FANCB: variants seen among roughly 807,000 people sequenced by gnomAD.
FANCB encodes FA complementation group B, also known as Fanconi anemia group B protein.
Under a neutral mutation model 38.9 loss-of-function variants are expected in FANCB, and 5 were observed. The ratio of observed to expected loss-of-function variants is 0.13; its 90% CI spans 0.07 to 0.27. FANCB has a LOEUF of 0.27. Among genes scored for constraint, FANCB ranks in the 10% least tolerant of loss-of-function variants. The pLI, the probability that FANCB is intolerant of heterozygous loss-of-function variation, is 1.00. For missense variants in FANCB, 573 were observed against 602.7 expected, an observed-to-expected ratio of 0.95 and a Z score of 0.52; for synonymous variants, 236 against 215.4, an observed-to-expected ratio of 1.10 and a Z score of -0.84.
At chrX:14,782,861 T>A in the FANCB span, among the ~76,000 whole-genome samples, 1 of 111,834 alleles carries the variant, frequency 8.9e-6, no homozygotes, top group African/African-American at 3.3e-5. Flanking sequence ...CTAGCAGGTC[T>A]AGAATGGAGC....
the FANCB span, among the ~76,000 whole-genome samples, chrX:14,773,174 A>G: frequency 0.074 from 8,242 of 111,970 alleles, 399 homozygotes; most frequent in African/African-American, 0.17. Flanking sequence ...TTAATTTAGT[A>G]CCGCATATAG....
At chrX:14,717,404 C>T in the FANCB span, among the ~76,000 whole-genome samples, 1 of 109,074 alleles carries the variant, frequency 9.2e-6, no homozygotes, top group African/African-American at 3.3e-5. Flanking sequence ...CTTATATATA[C>T]TCCTACACAC....
the FANCB span, chrX:14,730,891 TACAC>T: frequency 6.3e-3 from 615 of 97,795 alleles, 9 homozygotes; most frequent in African/African-American, 0.012. Context: ...AAGTTAGCTA[TACAC>T]ACACACACAC....
At chrX:14,797,259 C>G in the FANCB span, among the ~76,000 whole-genome samples, 1 of 111,838 alleles carries the variant, frequency 8.9e-6, no homozygotes, top group Admixed American at 9.5e-5. Context: ...GCTTGAGTGT[C>G]CTCATGGCAG....
At chrX:14,692,858 G>C in the FANCB span, among the ~76,000 whole-genome samples, 1 of 111,520 alleles carries the variant, frequency 9.0e-6, no homozygotes, top group Non-Finnish European at 1.9e-5. Flanking sequence ...AATTAGCAAT[G>C]TCTGGCATTA....
chrX:14,765,539 T>C, the FANCB span, among the ~76,000 whole-genome samples: 3 of 112,363 alleles, frequency 2.7e-5, no homozygotes, highest in South Asian at 1.1e-3. Context: ...GAAATGACAG[T>C]TAAGTTGGTC....
chrX:14,799,637 G>A, the FANCB span, among the ~76,000 whole-genome samples: 5 of 111,955 alleles, frequency 4.5e-5, no homozygotes, highest in African/African-American at 1.6e-4. Flanking sequence ...TGGTAATATA[G>A]ACGTTAAAGG....
chrX:14,716,099 C>T, the FANCB span, among the ~76,000 whole-genome samples: 17 of 110,873 alleles, frequency 1.5e-4, no homozygotes, highest in African/African-American at 5.6e-4. Flanking sequence ...GGTCTCAGGG[C>T]CGGGGTTGAA....
the FANCB span, chrX:14,690,864 G>C: frequency 8.3e-7 from 1 of 1,209,040 alleles, no homozygotes; most frequent in African/African-American, 1.7e-5. Flanking sequence ...AATAAGGTAT[G>C]ATTGCCCCTC....
chrX:14,845,955 T>TGTA (rs1173431033), intron 7 of FANCB, among the ~76,000 whole-genome samples: 1 of 111,835 alleles, frequency 8.9e-6, no homozygotes, highest in South Asian at 3.6e-4. Context: ...AGAACTTGAA[T>TGTA]GTAGAAATTT....
chrX:14,761,958 C>T, the FANCB span, among the ~76,000 whole-genome samples: 1 of 110,948 alleles, frequency 9.0e-6, no homozygotes, highest in African/African-American at 3.3e-5. Context: ...AGGTGGAGTC[C>T]ATCTTAGTGC....
the FANCB span, among the ~76,000 whole-genome samples, chrX:14,830,571 A>C: frequency 8.9e-6 from 1 of 111,834 alleles, no homozygotes; most frequent in South Asian, 3.8e-4. Flanking sequence ...ATATCTCTGC[A>C]ATACACTTCA....
downstream of FANCB, among the ~76,000 whole-genome samples, chrX:14,843,020 AC>A (rs1417873555): frequency 1.8e-5 from 2 of 112,009 alleles, no homozygotes; most frequent in Non-Finnish European, 3.8e-5. Flanking sequence ...GATCCTGACA[AC>A]CTTGCTTAAT....
chrX:14,765,954 G>A, the FANCB span, among the ~76,000 whole-genome samples: 1 of 111,676 alleles, frequency 9.0e-6, no homozygotes, highest in Non-Finnish European at 1.9e-5. Context: ...AATGGGGGCT[G>A]TTTCTCCCCC....
In FANCB at chrX:14,850,748, TAA is replaced by T. The variant is rs1230449539; in HGVS notation, c.1327-76_1327-75del. The T allele has an allele frequency of 6.6e-6, 4 of 609,534 alleles. No homozygotes were observed. In the African/African-American group the frequency reaches 9.3e-5, roughly 14 times the overall value. 50.2% of individuals were successfully genotyped at this position (609,534 alleles called of 1,213,427 possible). ...AGCAAAACTAAAAAAAAAAAAAAGT[TAA>T]GTGTGCTTTTGGCTAGGGCTTATGG... On this transcript the variant is annotated intron_variant, in intron 6 of 9. Transcript: ENST00000650831.
the FANCB span, among the ~76,000 whole-genome samples, chrX:14,773,083 G>A: frequency 2.7e-5 from 3 of 111,874 alleles, no homozygotes; most frequent in Non-Finnish European, 3.8e-5. Flanking sequence ...GAATTCACTC[G>A]CCCGTTTTCA....
At chrX:14,779,827 C>G in the FANCB span, among the ~76,000 whole-genome samples, 1 of 110,186 alleles carries the variant, frequency 9.1e-6, no homozygotes, top group Non-Finnish European at 1.9e-5. Flanking sequence ...TTGGATATAT[C>G]CTGTGAGCAA....
the FANCB span, among the ~76,000 whole-genome samples, chrX:14,756,614 A>C: frequency 8.9e-6 from 1 of 111,844 alleles, no homozygotes; most frequent in African/African-American, 3.2e-5. Flanking sequence ...CAATTAAGCA[A>C]CTGACCGGTC....
At chrX:14,777,824 C>A in the FANCB span, among the ~76,000 whole-genome samples, 1 of 112,102 alleles carries the variant, frequency 8.9e-6, no homozygotes, top group South Asian at 3.7e-4. Flanking sequence ...CCCGATATCA[C>A]GATCTTTCAA....
Sources: allele counts gnomAD v4.1 joint callset (sites outside exome capture counted in the v4.1 genomes callset), GRCh38; gene constraint gnomAD v4.1.1; transcripts MANE v1.5; gene names NCBI Gene and HGNC (gene_info 2026-07-23, HGNC 2026-07-21).